BRF1: variants seen among roughly 807,000 people sequenced by gnomAD.
The protein encoded by BRF1 is BRF1 general transcription factor IIIB subunit, also known as transcription factor IIIB 90 kDa subunit.
BRF1 carries 59 observed loss-of-function variants against 81.7 expected under a neutral mutation model. That is an observed-to-expected ratio of 0.72 (90% CI 0.59 to 0.90). The LOEUF (loss-of-function observed/expected upper bound fraction) is 0.90. Ranked by LOEUF, BRF1 falls within the 40% of genes least tolerant of loss-of-function variation. BRF1 has a pLI of 0.00. For synonymous variants in BRF1, 491 were observed against 395.6 expected (o/e 1.24, Z -2.86); for missense variants, 1,050 against 936.3 (o/e 1.12, Z -1.58).
intron 3 of BRF1, among the ~76,000 whole-genome samples, chr14:105,272,503 C>T (rs968972576): frequency 6.6e-6 from 1 of 152,182 alleles, no homozygotes; most frequent in African/African-American, 2.4e-5. Context: ...AAGGGCTGTG[C>T]GAGGAAGGCA....
upstream of BRF1, chr14:105,301,308 C>CG (rs1440593955): frequency 3.4e-5 from 4 of 116,146 alleles, no homozygotes; most frequent in Admixed American, 9.5e-5. Context: ...CAGCCGGATG[C>CG]GGGGCTGAGG....
chr14:105,229,298 C>A (rs759329304), intron 6 of BRF1, among the ~76,000 whole-genome samples: 1 of 152,216 alleles, frequency 6.6e-6, no homozygotes, highest in Non-Finnish European at 1.5e-5. Context: ...CCACAGCTGG[C>A]AGCTGACACA....
In BRF1 at chr14:105,315,033, C is replaced by A; in HGVS notation, c.-162+289G>T. 1.7e-6 allele frequency: 2 copies of A among 1,202,984 alleles called. No homozygotes were observed. The highest frequency in any genetic ancestry group is 1.0e-6 in the Non-Finnish European group (1 of 954,260). The allele number at this position is 1,202,984 out of a possible 1,614,324, so 74.5% of individuals were successfully genotyped here. A position where few individuals can be genotyped will look rare whatever the true frequency, so the allele number is the denominator to read the frequency against. On this transcript the variant is annotated intron_variant, in intron 1 of 17. Coordinates refer to the BRF1 transcript ENST00000327359. This position sits in a 1 kb window ranked among gnomAD's most constrained non-coding sequence, Gnocchi z 4.4. The stretch of plus-strand genomic sequence containing the variant: ...GGACGGCTCCAGCCCCAGCTGCGTG[C>A]CCAGGTACGCGCCGCCCGCCGCGCT...
At chr14:105,281,442 G>C (rs1484130870) in intron 2 of BRF1, among the ~76,000 whole-genome samples, 1 of 144,342 alleles carries the variant, frequency 6.9e-6, no homozygotes, top group Non-Finnish European at 1.5e-5. Context: ...GTGTGATCCT[G>C]AGCCCGGGTG....
chr14:105,298,431 G>A (rs150667876), intron 1 of BRF1, among the ~76,000 whole-genome samples: 216 of 152,324 alleles, frequency 1.4e-3, no homozygotes, highest in African/African-American at 5.0e-3. Flanking sequence ...CTGCACGGAC[G>A]GGGCCCAGTG....
At chr14:105,282,013 C>T (rs587655984) in intron 2 of BRF1, among the ~76,000 whole-genome samples, 1 of 152,296 alleles carries the variant, frequency 6.6e-6, no homozygotes, top group East Asian at 1.9e-4. Context: ...AGAGCCCCAC[C>T]TAGCGGCATT....
chr14:105,229,459 G>C (rs750495873), intron 6 of BRF1, among the ~76,000 whole-genome samples: 7 of 152,242 alleles, frequency 4.6e-5, no homozygotes, highest in Non-Finnish European at 7.3e-5. Flanking sequence ...GTGGGCACGA[G>C]GGTAAGGGCC....
At chr14:105,211,986 G>A in intron 16 of BRF1, 127 bp downstream of exon 16, 1 of 1,366,834 alleles carries the variant, frequency 7.3e-7, no homozygotes, top group Non-Finnish European at 1.0e-6. Flanking sequence ...AGGCAAGTAT[G>A]GGGCAGCAGG....
chr14:105,227,887 G>A (rs952384366), intron 7 of BRF1: 11 of 152,226 alleles, frequency 7.2e-5, no homozygotes, highest in African/African-American at 2.4e-4. Context: ...AAAAACAGCA[G>A]TCCTGTGTTT....
At chr14:105,283,731 A>C (rs956971510) in intron 2 of BRF1, among the ~76,000 whole-genome samples, 1 of 152,172 alleles carries the variant, frequency 6.6e-6, no homozygotes, top group Non-Finnish European at 1.5e-5. Context: ...GGCACGACCA[A>C]CTCTAGTAAA....
At chr14:105,301,067 G>C (rs1463806851), upstream of BRF1, 1 of 152,330 alleles carries the variant, frequency 6.6e-6, no homozygotes, top group African/African-American at 2.4e-5. Context: ...GGCCTCGTCG[G>C]TGGGCGACAC....
At chr14:105,241,499 A>G in intron 5 of BRF1, 85 bp from the exon 6 acceptor site, 1 of 1,555,738 alleles carries the variant, frequency 6.4e-7, no homozygotes, top group Non-Finnish European at 8.7e-7. Flanking sequence ...GGGTGGGGCA[A>G]CCTGCACTTG....
In BRF1 at chr14:105,242,846, C is replaced by T. The variant is rs184494133; in HGVS notation, c.545-1432G>A. ...AAAATTTGGCCGGGGCCAGGTGCTG[C>T]GGCTTACGCCTGTAATCCCAACACT... On this transcript the variant is annotated intron_variant, in intron 5 of 17. Coordinates refer to ENST00000547530, the MANE Select transcript of BRF1 (RefSeq NM_001519.4). Among the ~76,000 whole-genome samples the T allele has an allele frequency of 2.0e-4, 30 of 151,614 alleles. No individual in the cohort carries two copies. The East Asian group carries it at 4.7e-3, about 24-fold the overall frequency.
In BRF1 at chr14:105,309,243, CTT is replaced by C. The variant is rs2058278901; in HGVS notation, c.-162+6077_-162+6078del. On this transcript the variant is annotated intron_variant, in intron 1 of 17. Coordinates refer to the BRF1 transcript ENST00000327359. This position sits in a 1 kb window ranked among gnomAD's most constrained non-coding sequence, Gnocchi z 4.0. Reference sequence around the variant, plus strand: ...TTAAAATTTATGCATCAAGGTCCCTCTTAATCTTGGGGCTCAGGATAACCACA... The same window carrying C: ...TTAAAATTTATGCATCAAGGTCCCTCAATCTTGGGGCTCAGGATAACCACA... Among the ~76,000 whole-genome samples, 1 of 152,306 alleles carries C rather than the reference CTT, an allele frequency of 6.6e-6. No homozygotes were observed. The highest frequency in any genetic ancestry group is 1.5e-5 in the Non-Finnish European group (1 of 68,022).
chr14:105,287,677 C>T (rs910652242), intron 1 of BRF1, among the ~76,000 whole-genome samples: 33 of 152,212 alleles, frequency 2.2e-4, no homozygotes, highest in Admixed American at 2.0e-3. Flanking sequence ...GGGCAGCCAC[C>T]AGCACAGACA....
chr14:105,267,698 A>C (rs2056481886), intron 3 of BRF1, among the ~76,000 whole-genome samples: 1 of 152,170 alleles, frequency 6.6e-6, no homozygotes, highest in Admixed American at 6.5e-5. Flanking sequence ...CTGACCACTT[A>C]AACTGTTATA....
chr14:105,249,420 G>A, intron 5 of BRF1: 3 of 1,613,412 alleles, frequency 1.9e-6, no homozygotes, highest in South Asian at 1.1e-5. Flanking sequence ...CCTGGCGGAA[G>A]TCAAATCTGA....
chr14:105,218,787 G>C (rs1261469291), intron 14 of BRF1, among the ~76,000 whole-genome samples: 1 of 151,364 alleles, frequency 6.6e-6, no homozygotes, highest in African/African-American at 2.5e-5. Context: ...CGCCCTCCAA[G>C]GTGAGGCCGA....
chr14:105,305,789 C>T (rs758382058), upstream of BRF1, among the ~76,000 whole-genome samples: 2 of 152,202 alleles, frequency 1.3e-5, no homozygotes, highest in African/African-American at 4.8e-5. Context: ...CAAGCAAGGG[C>T]GGCCAAGGGG....
Sources: gnomAD v4.1 joint callset for allele counts (sites outside exome capture counted in the v4.1 genomes callset) on GRCh38, gnomAD v4.1.1 for gene constraint, Gnocchi (gnomAD v3.1) non-coding constraint, MANE v1.5 for transcripts, NCBI Gene and HGNC (gene_info 2026-07-23, HGNC 2026-07-21) for gene names.